Variants in GLRA3 observed in about 807,000 individuals in gnomAD.
GLRA3 encodes the protein glycine receptor alpha 3.
In GLRA3, 44 loss-of-function variants were observed where a neutral mutation model predicts 60.4. That is an observed-to-expected ratio of 0.73 (90% CI 0.57 to 0.94). The LOEUF is 0.94. Among genes scored for constraint, GLRA3 ranks in the 40% least tolerant of loss-of-function variants. GLRA3 has a pLI of 0.00. For missense variants in GLRA3, 508 were observed against 564.6 expected (o/e 0.90, Z 1.02); for synonymous variants, 223 against 192.9 (o/e 1.16, Z -1.29).
At chr4:174,771,386 A>T (rs1738379316) in intron 2 of GLRA3, among the ~76,000 whole-genome samples, 1 of 151,858 alleles carries the variant, frequency 6.6e-6, no homozygotes. Flanking sequence ...GCTAAAACCA[A>T]TCTTTCATAT....
intron 1 of GLRA3, among the ~76,000 whole-genome samples, chr4:174,820,970 G>T (rs572271749): frequency 3.3e-4 from 50 of 151,860 alleles, no homozygotes; most frequent in Non-Finnish European, 5.3e-4. Context: ...TTCTGAAAAG[G>T]AGAACATCCA....
intron 5 of GLRA3, among the ~76,000 whole-genome samples, chr4:174,699,679 T>C (rs1037357703): frequency 2.0e-5 from 3 of 152,072 alleles, no homozygotes; most frequent in Non-Finnish European, 4.4e-5. Flanking sequence ...GGCATATTAG[T>C]TGAAGTTCTG....
intron 4 of GLRA3, among the ~76,000 whole-genome samples, chr4:174,727,794 T>C (rs749136237): frequency 1.8e-4 from 27 of 152,128 alleles, no homozygotes; most frequent in Non-Finnish European, 2.8e-4. Context: ...TATTCAATAT[T>C]GGGTTTTTTT....
Position 174,642,343 on chromosome 4 carries a change from A to C in GLRA3, c.*1443T>G, listed in dbSNP as rs1579375149. 1 of 976,380 alleles carries C rather than the reference A, an allele frequency of 1.0e-6. No homozygotes were observed. Among genetic ancestry groups the C allele is most frequent in the East Asian group, 1.1e-4 (1 of 8,766 alleles). 60.5% of individuals were successfully genotyped at this position (976,380 alleles called of 1,614,324 possible). On this transcript the variant is annotated 3_prime_UTR_variant, in exon 10 of 10. Coordinates refer to ENST00000274093, the MANE Select transcript of GLRA3 (RefSeq NM_006529.4). ...AGTTCATTGTTTTCTTAATCTTTAA[A>C]GTTTTCTCTGTGAATAATTTGGTGG...
At chr4:174,736,262 A>G (rs1225965319) in intron 3 of GLRA3, among the ~76,000 whole-genome samples, 2 of 152,164 alleles carry the variant, frequency 1.3e-5, no homozygotes, top group Admixed American at 6.5e-5. Flanking sequence ...AACATTTATC[A>G]TCAAAGATGA....
At chr4:174,701,662 C>T (rs893452844) in intron 5 of GLRA3, among the ~76,000 whole-genome samples, 1 of 152,146 alleles carries the variant, frequency 6.6e-6, no homozygotes, top group African/African-American at 2.4e-5. Context: ...AATGACGCCA[C>T]TAAAAACATT....
intron 1 of GLRA3, among the ~76,000 whole-genome samples, chr4:174,816,014 C>T (rs186822335): frequency 7.9e-5 from 12 of 152,182 alleles, no homozygotes; most frequent in East Asian, 5.8e-4. Context: ...AATGAGTGCA[C>T]GTGGGAATTC....
intron 3 of GLRA3, among the ~76,000 whole-genome samples, chr4:174,732,813 G>A (rs74498177): frequency 0.05 from 7,572 of 151,880 alleles, 221 homozygotes; most frequent in South Asian, 0.1. Context: ...GTATGTATGT[G>A]TGTATGTATG....
intron 2 of GLRA3, among the ~76,000 whole-genome samples, chr4:174,776,187 C>T (rs897677602): frequency 1.3e-5 from 2 of 152,062 alleles, no homozygotes; most frequent in African/African-American, 2.4e-5. Context: ...CTGAAAATAC[C>T]TCAAACCTTA....
chr4:174,706,888 T>C (rs1305955238), intron 5 of GLRA3, among the ~76,000 whole-genome samples: 1 of 152,190 alleles, frequency 6.6e-6, no homozygotes, highest in African/African-American at 2.4e-5. Flanking sequence ...AATTCCAGAA[T>C]AGTTAAGATT....
At chr4:174,653,499 G>C (rs111761754) in intron 9 of GLRA3, among the ~76,000 whole-genome samples, 3,158 of 151,912 alleles carry the variant, frequency 0.021, 42 homozygotes, top group Middle Eastern at 0.045. Flanking sequence ...GATGACATCT[G>C]AATTAGCTAT....
chr4:174,663,710 C>T (rs1307602318), intron 7 of GLRA3, among the ~76,000 whole-genome samples: 1 of 152,176 alleles, frequency 6.6e-6, no homozygotes, highest in Admixed American at 6.6e-5. Context: ...AAGTTTGGAA[C>T]TTTGGGGCTA....
chr4:174,788,578 CAGTT>C (rs1455035169), intron 2 of GLRA3, among the ~76,000 whole-genome samples: 3 of 79,456 alleles, frequency 3.8e-5, no homozygotes, highest in African/African-American at 1.6e-4. Context: ...AGTATTATAA[CAGTT>C]AGAGAAGTAA....
intron 3 of GLRA3, among the ~76,000 whole-genome samples, chr4:174,766,140 T>G (rs1313308473): frequency 1.3e-5 from 2 of 152,046 alleles, no homozygotes; most frequent in Admixed American, 6.6e-5. Context: ...ATTGGTTTTT[T>G]AAACTAATAA....
chr4:174,761,906 G>T (rs1737955001), intron 3 of GLRA3, among the ~76,000 whole-genome samples: 1 of 152,066 alleles, frequency 6.6e-6, no homozygotes, highest in Non-Finnish European at 1.5e-5. Flanking sequence ...GGAAAAGGAG[G>T]CTCATTATTT....
chr4:174,743,760 A>T (rs1445399856), intron 3 of GLRA3, among the ~76,000 whole-genome samples: 3 of 152,212 alleles, frequency 2.0e-5, no homozygotes, highest in Non-Finnish European at 2.9e-5. Context: ...CAATTCTTAT[A>T]GATATTTAGT....
chr4:174,702,356 T>C (rs573434245), intron 5 of GLRA3, among the ~76,000 whole-genome samples: 15 of 152,306 alleles, frequency 9.8e-5, no homozygotes, highest in Admixed American at 9.8e-4. Context: ...ATTGCACACT[T>C]ATAGGCTACA....
At chr4:174,822,821 A>G (rs1740794517) in intron 1 of GLRA3, among the ~76,000 whole-genome samples, 1 of 152,160 alleles carries the variant, frequency 6.6e-6, no homozygotes, top group Non-Finnish European at 1.5e-5. Flanking sequence ...TGCTATTCCT[A>G]ATTGTACCAT....
intron 5 of GLRA3, among the ~76,000 whole-genome samples, chr4:174,704,140 C>G (rs1026115709): frequency 7.0e-6 from 1 of 142,350 alleles, no homozygotes; most frequent in Non-Finnish European, 1.6e-5. Flanking sequence ...ATCAAAAATA[C>G]AAAAATTAGC....
Sources: gnomAD v4.1 joint callset for allele counts (sites outside exome capture counted in the v4.1 genomes callset) on GRCh38, gnomAD v4.1.1 for gene constraint, MANE v1.5 for transcripts, NCBI Gene and HGNC (gene_info 2026-07-23, HGNC 2026-07-21) for gene names.